Variants in BTBD7 observed in about 807,000 individuals in gnomAD.
BTBD7 encodes BTB/POZ domain-containing protein 7.
BTBD7 carries 38 observed loss-of-function variants against 99.9 expected under a neutral mutation model. The observed-to-expected ratio is 0.38, with a 90% CI of 0.29 to 0.50. The LOEUF is 0.50. BTBD7 is among the 20% of genes least tolerant of loss of function. The pLI, the probability that BTBD7 is intolerant of heterozygous loss-of-function variation, is 0.93. For missense variants in BTBD7, 1,170 were observed against 1,394.6 expected (o/e 0.84, Z 2.57); for synonymous variants, 520 against 511.4 (o/e 1.02, Z -0.23).
chr14:93,248,498 T>A lies in BTBD7; in HGVS notation c.2099A>T (p.Asp700Val). 6.2e-7 allele frequency: 1 copy of A among 1,614,098 alleles called. No homozygotes were observed. The highest frequency in any genetic ancestry group is 2.2e-5 in the East Asian group (1 of 44,884). The change falls in exon 9 of 11, where the codon GAT (aspartate) becomes GTT (valine). Residue 700 changes from aspartate (D) to valine (V), a missense_variant. Asp to Val is a radical substitution (Grantham distance 152). Transcript: ENST00000334746. ...IRVLREFGLA[D>V]AAAELLQNPH... is the part of the protein sequence containing the mutation. ...TACCTGCAACAGCTCTGCAGCAGCA[T>A]CTGCAAGACCAAACTCTCTTAGCAC... is the stretch of plus-strand genomic sequence containing the variant.
chr14:93,289,598 ATC>A (rs1423222071), intron 3 of BTBD7, among the ~76,000 whole-genome samples: 2 of 152,140 alleles, frequency 1.3e-5, no homozygotes, highest in African/African-American at 4.8e-5. Context: ...CTCCTTAGGT[ATC>A]TTTGTCTCTT....
At chr14:93,328,153 G>A (rs987996826) in intron 1 of BTBD7, among the ~76,000 whole-genome samples, 3 of 152,138 alleles carry the variant, frequency 2.0e-5, no homozygotes, top group African/African-American at 7.2e-5. Context: ...CCATGTTCAT[G>A]GACTGGAAGA....
At chr14:93,265,299 C>A (rs1310780897) in intron 3 of BTBD7, among the ~76,000 whole-genome samples, 1 of 152,144 alleles carries the variant, frequency 6.6e-6, no homozygotes, top group East Asian at 1.9e-4. Flanking sequence ...CCCTCATTCC[C>A]CTTTCTGATA....
rs145861095 is a variant in BTBD7 at position 93,263,041 on chromosome 14, A to G, written c.1371+744T>C. Among the ~76,000 whole-genome samples the G allele has an allele frequency of 3.8e-3, 582 of 152,340 alleles. 1 individual carries two copies. Among genetic ancestry groups the G allele is most frequent in the African/African-American group, 0.013 (550 of 41,582 alleles). On this transcript the variant is annotated intron_variant, in intron 4 of 10. Coordinates refer to ENST00000334746, the MANE Select transcript of BTBD7 (RefSeq NM_001002860.4). ...CCACTGCATTTCTGACTAAAATGGTAGCATTTTATTATTTTTCTAGTACAA... is the reference window on the plus strand; with the variant it reads ...CCACTGCATTTCTGACTAAAATGGTGGCATTTTATTATTTTTCTAGTACAA...
chr14:93,305,640 A>G (rs1009845940), intron 1 of BTBD7, among the ~76,000 whole-genome samples: 14 of 152,272 alleles, frequency 9.2e-5, no homozygotes, highest in African/African-American at 2.9e-4. Flanking sequence ...AGTATGTCAG[A>G]ATGAAATAGA....
At chr14:93,287,717 C>G (rs1169285232) in intron 3 of BTBD7, 1 of 152,190 alleles carries the variant, frequency 6.6e-6, no homozygotes, top group African/African-American at 2.4e-5. Flanking sequence ...TTCACCCTCC[C>G]GGTCTGGGCT....
chr14:93,268,356 T>TTA lies in BTBD7; in HGVS notation c.1163-4365_1163-4364dup, dbSNP rs1385293385. Among the ~76,000 whole-genome samples the TTA allele has an allele frequency of 2.0e-5, 3 of 152,304 alleles. 1 individual carries two copies. The highest frequency in any genetic ancestry group is 6.8e-3 in the Middle Eastern group (2 of 294). On this transcript the variant is annotated intron_variant, in intron 3 of 10. Coordinates refer to ENST00000334746, the MANE Select transcript of BTBD7 (RefSeq NM_001002860.4). Reference sequence around the variant, plus strand: ...AAACTCTCATACTACTATATCTTTCTTATATATATTTGTCTGACTCTTCCA... The same window carrying TTA: ...AAACTCTCATACTACTATATCTTTCTTATATATATATTTGTCTGACTCTTCCA...
intron 9 of BTBD7, among the ~76,000 whole-genome samples, chr14:93,247,624 G>A (rs533890207): frequency 6.6e-6 from 1 of 152,334 alleles, no homozygotes; most frequent in Admixed American, 6.5e-5. Flanking sequence ...GGGATTACAG[G>A]CGTGAGCCAC....
At chr14:93,245,241 C>T (rs1277355296) in intron 10 of BTBD7, among the ~76,000 whole-genome samples, 1 of 152,008 alleles carries the variant, frequency 6.6e-6, no homozygotes, top group African/African-American at 2.4e-5. Flanking sequence ...AATCCTCTAT[C>T]AATTTACTAC....
chr14:93,314,404 A>G (rs1232986247), intron 1 of BTBD7, among the ~76,000 whole-genome samples: 1 of 152,220 alleles, frequency 6.6e-6, no homozygotes, highest in Non-Finnish European at 1.5e-5. Context: ...ATGTATATCA[A>G]AATTTAAAAT....
intron 3 of BTBD7, among the ~76,000 whole-genome samples, chr14:93,289,279 C>T (rs1405672401): frequency 6.6e-6 from 1 of 152,204 alleles, no homozygotes; most frequent in Non-Finnish European, 1.5e-5. Context: ...AACAAAACCA[C>T]ATCCTTTTCT....
rs1280593356 is a variant in BTBD7, at chr14:93,241,240, C to G, written c.*1033G>C. 1 of 151,858 alleles carries G rather than the reference C, an allele frequency of 6.6e-6. No homozygotes were observed. The highest frequency in any genetic ancestry group is 2.4e-5 in the African/African-American group (1 of 41,268). The allele number at this position is 151,858 out of a possible 1,614,324, so 9.4% of individuals were successfully genotyped here. Reference sequence around the variant, plus strand: ...CTCACTGCAGTCTCAACCTCCCAGGCTCAAGCGATCCTGCCACCTCAGCCC... The same window carrying G: ...CTCACTGCAGTCTCAACCTCCCAGGGTCAAGCGATCCTGCCACCTCAGCCC... On this transcript the variant is annotated 3_prime_UTR_variant, in exon 11 of 11. Coordinates refer to ENST00000334746, the MANE Select transcript of BTBD7 (RefSeq NM_001002860.4).
chr14:93,294,730 T>C lies in BTBD7; in HGVS notation c.290A>G (p.Asp97Gly), dbSNP rs1566854049. ...RELLSGWDVRDVNALVEEYEG... is the reference protein window; with the variant it reads ...RELLSGWDVRGVNALVEEYEG... ...ATATTCCTCCACTAATGCATTGACA[T>C]CTCTAACATCCCACCCAGAGAGGAG... is the stretch of plus-strand genomic sequence containing the variant. Residue 97 changes from aspartate (D) to glycine (G), a missense_variant, in exon 3 of 11, where the codon GAT (aspartate) becomes GGT (glycine). Asp to Gly is a moderately conservative substitution (Grantham distance 94, BLOSUM62 -1). Coordinates refer to ENST00000334746, the MANE Select transcript of BTBD7 (RefSeq NM_001002860.4). The C allele has an allele frequency of 6.2e-7, 1 of 1,614,048 alleles. No homozygotes were observed. Among genetic ancestry groups the C allele is most frequent in the Non-Finnish European group, 8.5e-7 (1 of 1,180,006 alleles).
chr14:93,260,468 C>A (rs562339705), intron 5 of BTBD7, among the ~76,000 whole-genome samples: 1 of 152,204 alleles, frequency 6.6e-6, no homozygotes, highest in Non-Finnish European at 1.5e-5. Flanking sequence ...CAGCCTCCAA[C>A]ATATGATGCT....
intron 5 of BTBD7, among the ~76,000 whole-genome samples, chr14:93,258,909 T>G (rs1273956491): frequency 6.6e-6 from 1 of 152,128 alleles, no homozygotes. Flanking sequence ...CTAAGGAAAA[T>G]TTTAACCCTT....
chr14:93,311,484 T>C (rs1200277738), intron 1 of BTBD7, among the ~76,000 whole-genome samples: 1 of 152,222 alleles, frequency 6.6e-6, no homozygotes, highest in Non-Finnish European at 1.5e-5. Context: ...AGACATTATA[T>C]ACACACATAT....
rs561289539 is a variant in BTBD7, at chr14:93,310,443, G to A, written c.-106-14286C>T. 2.4e-4 allele frequency among the ~76,000 whole-genome samples: 37 copies of A among 152,070 alleles called. 1 individual carries two copies. Among genetic ancestry groups the A allele is most frequent in the Non-Finnish European group, 2.5e-4 (17 of 68,018 alleles). On this transcript the variant is annotated intron_variant, in intron 1 of 10. Transcript: ENST00000334746. ...AATTTTTTTTTGTTGAAGAAATCAG[G>A]TTACCTGGTTGTTTCCTATAGTTTG...
In BTBD7 at chr14:93,295,971, T is replaced by C. The variant is rs2052921182; in HGVS notation, c.81A>G (p.Ile27Met). ...GAAGTTAGAAAAACTGAAAGTTACC[T>C]ATAAAAGTCTGTTGGGCCTGTGAAT... ...GGNSQAQQTF[I>M]GTSSYSQQGY... Residue 27 changes from isoleucine (I) to methionine (M), a missense_variant and splice_region_variant, in exon 2 of 11, where the codon ATA becomes ATG. Ile to Met is a conservative substitution (Grantham distance 10, BLOSUM62 1). Around this residue, in one of 4 missense-constraint regions of BTBD7, gnomAD observed 359 missense variants for 497.9 expected, o/e 0.72. Coordinates refer to ENST00000334746, the MANE Select transcript of BTBD7 (RefSeq NM_001002860.4). 5.0e-6 allele frequency: 8 copies of C among 1,613,696 alleles called. No individual in the cohort carries two copies. The highest frequency in any genetic ancestry group is 6.8e-6 in the Non-Finnish European group (8 of 1,179,842).
rs185762933 is a variant in BTBD7, at chr14:93,331,836, G to A, written c.-107+984C>T. On this transcript the variant is annotated intron_variant, in intron 1 of 10. Coordinates refer to ENST00000334746, the MANE Select transcript of BTBD7 (RefSeq NM_001002860.4). Reference sequence around the variant, plus strand: ...GCGGAGGTTGCAGTGAGTCGAGATCGCACCACTGTTCTCCAGCCTGGGTGA... The same window carrying A: ...GCGGAGGTTGCAGTGAGTCGAGATCACACCACTGTTCTCCAGCCTGGGTGA... Among the ~76,000 whole-genome samples the A allele has an allele frequency of 4.7e-3, 689 of 147,788 alleles. 4 individuals are homozygous for A. Among genetic ancestry groups the A allele is most frequent in the African/African-American group, 0.017 (646 of 38,184 alleles).
Sources: allele counts gnomAD v4.1 joint callset (sites outside exome capture counted in the v4.1 genomes callset), GRCh38; gene constraint gnomAD v4.1.1; regional missense constraint gnomAD v4.1.1; transcripts MANE v1.5; gene names NCBI Gene and HGNC (gene_info 2026-07-23, HGNC 2026-07-21).